The following LAMC1 variants were observed in gnomAD, a reference collection of about 807,000 sequenced individuals.
The protein encoded by LAMC1 is laminin subunit gamma-1.
LAMC1 carries 38 observed loss-of-function variants against 173.6 expected under a neutral mutation model. The ratio of observed to expected loss-of-function variants is 0.22; its 90% CI spans 0.17 to 0.29. LAMC1 has a LOEUF of 0.29. LAMC1 is among the 10% of genes least tolerant of loss of function. The pLI is 1.00. For missense variants in LAMC1, 1,824 were observed against 2,051.8 expected (o/e 0.89, Z 2.14); for synonymous variants, 746 against 749.1 (o/e 1.00, Z 0.07).
At chr1:183,042,146 G>A (rs1654152088) in intron 1 of LAMC1, among the ~76,000 whole-genome samples, 1 of 152,192 alleles carries the variant, frequency 6.6e-6, no homozygotes, top group South Asian at 2.1e-4. Flanking sequence ...TCTGAGGTCA[G>A]TGGTTCAGGA....
chr1:183,026,955 A>G (rs1165462649), intron 1 of LAMC1, among the ~76,000 whole-genome samples: 3 of 152,164 alleles, frequency 2.0e-5, no homozygotes, highest in African/African-American at 7.2e-5. Context: ...CACCCTTCAC[A>G]ATTTCTTACA....
intron 1 of LAMC1, among the ~76,000 whole-genome samples, chr1:183,087,716 G>T (rs531284417): frequency 4.0e-4 from 61 of 152,188 alleles, no homozygotes; most frequent in African/African-American, 1.4e-3. Flanking sequence ...CCCAATAGAG[G>T]ACTAGAGGCT....
intron 16 of LAMC1, among the ~76,000 whole-genome samples, chr1:183,126,948 G>A (rs1656635295): frequency 1.3e-5 from 2 of 152,204 alleles, no homozygotes; most frequent in Non-Finnish European, 2.9e-5. Flanking sequence ...TGCATGAAAC[G>A]AGCACTGATA....
At chr1:183,082,800 A>G (rs1655321082) in intron 1 of LAMC1, among the ~76,000 whole-genome samples, 1 of 152,234 alleles carries the variant, frequency 6.6e-6, no homozygotes, top group African/African-American at 2.4e-5. Context: ...TATGGCAACC[A>G]TATCCCAGTG....
chr1:183,108,248 T>C, intron 2 of LAMC1, 28 bp from the exon 3 acceptor site: 16 of 1,606,700 alleles, frequency 1.0e-5, no homozygotes, highest in Non-Finnish European at 1.3e-5. Flanking sequence ...CACTTCTCTT[T>C]TATGTTTCTA....
rs762725811 is a variant in LAMC1 at position 183,127,215 on chromosome 1, T to G, written c.2945-11T>G. The G allele has an allele frequency of 3.1e-6, 5 of 1,612,718 alleles. No homozygotes were observed. Reference sequence around the variant, plus strand: ...TTGCTAATTATGTATTATTTTCTCCTTATTCTGCAGCCTGTGACTGTCATC... The same window carrying G: ...TTGCTAATTATGTATTATTTTCTCCGTATTCTGCAGCCTGTGACTGTCATC... On this transcript the variant is annotated splice_polypyrimidine_tract_variant and intron_variant, in intron 16 of 27. Transcript: ENST00000258341.
chr1:183,039,405 A>C (rs777910821), intron 1 of LAMC1, among the ~76,000 whole-genome samples: 1 of 152,214 alleles, frequency 6.6e-6, no homozygotes, highest in Non-Finnish European at 1.5e-5. Context: ...CAGTCCATAC[A>C]TAGTTTTGAA....
At chr1:183,027,220 A>G (rs1387973979) in intron 1 of LAMC1, among the ~76,000 whole-genome samples, 1 of 152,162 alleles carries the variant, frequency 6.6e-6, no homozygotes, top group Non-Finnish European at 1.5e-5. Flanking sequence ...GGATAAAAAG[A>G]GTTAAAGTTG....
intron 26 of LAMC1, among the ~76,000 whole-genome samples, 171 bp from the exon 27 acceptor site, chr1:183,140,233 C>G (rs1277949895): frequency 4.0e-5 from 3 of 75,852 alleles, no homozygotes; most frequent in Non-Finnish European, 5.3e-5. Context: ...TGAAGATATG[C>G]AGCAGCCCCA....
Position 183,145,341 on chromosome 1 carries a change from T to C in LAMC1, c.*2551T>C, listed in dbSNP as rs957290941. 2 of 152,658 alleles carry C rather than the reference T, an allele frequency of 1.3e-5. No individual in the cohort carries two copies. The highest frequency in any genetic ancestry group is 2.9e-5 in the Non-Finnish European group (2 of 68,046). The allele number at this position is 152,658 out of a possible 1,614,324, so 9.5% of individuals were successfully genotyped here. ...CTCCAGTTATCTGTATTTTATGTAA[T>C]GTAATTGACAGGATGGCTGCTGCAG... On this transcript the variant is annotated 3_prime_UTR_variant, in exon 28 of 28. Transcript: ENST00000258341.
rs527509822 is a variant in LAMC1 at position 183,113,366 on chromosome 1, A to G, written c.1022-1165A>G. 4.6e-5 allele frequency among the ~76,000 whole-genome samples: 7 copies of G among 151,420 alleles called. No individual in the cohort carries two copies. In the South Asian group the frequency reaches 1.5e-3, roughly 32 times the overall value. ...GGTTAGAAGAAGTCTGCATTAAAAA[A>G]GAAAAATATATTCCAAAAAAGATGT... On this transcript the variant is annotated intron_variant, in intron 4 of 27. Transcript: ENST00000258341.
intron 19 of LAMC1, 124 bp from the exon 20 acceptor site, chr1:183,131,172 CAAA>C (rs3065304): frequency 2.9e-3 from 1,142 of 399,220 alleles, no homozygotes; most frequent in Non-Finnish European, 3.2e-3. Flanking sequence ...GAAACTATCT[CAAA>C]AAAAAAAAAA....
chr1:183,046,523 C>T (rs1654271692), intron 1 of LAMC1, among the ~76,000 whole-genome samples: 1 of 151,984 alleles, frequency 6.6e-6, no homozygotes, highest in African/African-American at 2.4e-5. Context: ...TCCTCATGAG[C>T]CTTGCTCTTT....
intron 1 of LAMC1, among the ~76,000 whole-genome samples, chr1:183,059,944 T>G (rs1654699133): frequency 6.6e-6 from 1 of 152,142 alleles, no homozygotes; most frequent in Admixed American, 6.5e-5. Context: ...TTTCTGGCAC[T>G]GTGTAGGGGA....
intron 1 of LAMC1, among the ~76,000 whole-genome samples, chr1:183,080,344 A>T (rs1655238522): frequency 6.6e-6 from 1 of 152,202 alleles, no homozygotes; most frequent in African/African-American, 2.4e-5. Context: ...TTCATCATTG[A>T]TTATCTACAT....
In LAMC1 at chr1:183,023,968, G is replaced by A. The variant is rs1653610483; in HGVS notation, c.252G>A (p.Gly84=). 3 of 1,613,294 alleles carry A rather than the reference G, an allele frequency of 1.9e-6. No homozygotes were observed. The highest frequency in any genetic ancestry group is 1.7e-5 in the Admixed American group (1 of 60,018). The change falls in exon 1 of 28, where the codon GGG becomes GGA. Residue 84 remains glycine (G), a synonymous_variant. Coordinates refer to ENST00000258341, the MANE Select transcript of LAMC1 (RefSeq NM_002293.4). ...EEYCVQTGVT[G]VTKSCHLCDA... is the part of the protein sequence containing the mutation. ...ACTGTGTGCAGACCGGGGTGACCGG[G>A]GTCACCAAGTCCTGTCACCTGTGCG... is the stretch of plus-strand genomic sequence containing the variant.
intron 11 of LAMC1, 95 bp downstream of exon 11, chr1:183,118,241 A>C: frequency 1.4e-6 from 1 of 706,980 alleles, no homozygotes; most frequent in Non-Finnish European, 2.5e-6. Context: ...TAATAATATA[A>C]CACTGAGAAG....
At chr1:183,106,165 C>G (rs917363083) in intron 2 of LAMC1, among the ~76,000 whole-genome samples, 1 of 152,118 alleles carries the variant, frequency 6.6e-6, no homozygotes, top group Non-Finnish European at 1.5e-5. Flanking sequence ...GGGTCTAGCT[C>G]CGGGGTCTGT....
At chr1:183,031,553 C>T (rs971498263) in intron 1 of LAMC1, among the ~76,000 whole-genome samples, 8 of 152,172 alleles carry the variant, frequency 5.3e-5, no homozygotes, top group South Asian at 2.1e-4. Flanking sequence ...ATCTGCCCGT[C>T]GTGGCTGCCC....
Sources: allele counts gnomAD v4.1 joint callset (sites outside exome capture counted in the v4.1 genomes callset), GRCh38; gene constraint gnomAD v4.1.1; transcripts MANE v1.5; gene names NCBI Gene and HGNC (gene_info 2026-07-23, HGNC 2026-07-21).